The following NDST4 variants were observed in gnomAD, a reference collection of about 807,000 sequenced individuals.
NDST4 encodes the protein N-deacetylase and N-sulfotransferase 4, also known as N-heparan sulfate sulfotransferase 4.
NDST4 carries 63 observed loss-of-function variants against 100.8 expected under a neutral mutation model. The ratio of observed to expected loss-of-function variants is 0.62; its 90% confidence interval spans 0.51 to 0.77. The LOEUF (loss-of-function observed/expected upper bound fraction) is 0.77. NDST4 is among the 30% of genes least tolerant of loss of function. NDST4 has a pLI of 0.00. For synonymous variants in NDST4, 377 were observed against 361.8 expected, an observed-to-expected ratio of 1.04 and a Z score of -0.48; for missense variants, 943 against 1,018.4, an observed-to-expected ratio of 0.93 and a Z score of 1.01.
At chr4:115,058,211 C>T (rs1728744141) in intron 2 of NDST4, among the ~76,000 whole-genome samples, 1 of 152,170 alleles carries the variant, frequency 6.6e-6, no homozygotes, top group Admixed American at 6.6e-5. Context: ...AGCTATCCAA[C>T]CACCTAAGCC....
chr4:115,026,691 G>A (rs1035826995), intron 2 of NDST4, among the ~76,000 whole-genome samples: 1 of 149,050 alleles, frequency 6.7e-6, no homozygotes, highest in Non-Finnish European at 1.5e-5. Context: ...TGGCGGGGGG[G>A]TTGCGGGGGC....
intron 3 of NDST4, among the ~76,000 whole-genome samples, chr4:114,972,878 T>G (rs1456171796): frequency 6.6e-6 from 1 of 152,078 alleles, no homozygotes; most frequent in Non-Finnish European, 1.5e-5. Flanking sequence ...AACAGATGCA[T>G]GACTGATCAT....
intron 1 of NDST4, among the ~76,000 whole-genome samples, chr4:115,104,000 A>G (rs1260474862): frequency 6.6e-6 from 1 of 152,196 alleles, no homozygotes; most frequent in East Asian, 1.9e-4. Flanking sequence ...GATCCTTTAA[A>G]AGAATACTAG....
At chr4:114,856,640 G>A (rs573423090) in intron 7 of NDST4, among the ~76,000 whole-genome samples, 4 of 152,194 alleles carry the variant, frequency 2.6e-5, no homozygotes, top group East Asian at 3.9e-4. Flanking sequence ...TGCTTAGGCC[G>A]ATTCTTCCCA....
chr4:114,843,283 G>A (rs1340937057), intron 10 of NDST4, among the ~76,000 whole-genome samples: 3 of 152,120 alleles, frequency 2.0e-5, no homozygotes, highest in Non-Finnish European at 2.9e-5. Context: ...ATGCAGGCAG[G>A]GTTGCCCCTG....
At chr4:114,857,879 G>A (rs1387866209) in intron 7 of NDST4, among the ~76,000 whole-genome samples, 2 of 152,018 alleles carry the variant, frequency 1.3e-5, no homozygotes, top group Non-Finnish European at 2.9e-5. Context: ...ATGGACCTAT[G>A]ATAGTGTCCA....
chr4:114,884,983 T>C (rs1724448940), intron 6 of NDST4, among the ~76,000 whole-genome samples: 1 of 152,166 alleles, frequency 6.6e-6, no homozygotes, highest in Non-Finnish European at 1.5e-5. Flanking sequence ...TCTGAGAAAC[T>C]AAAATTGTTT....
intron 7 of NDST4, among the ~76,000 whole-genome samples, chr4:114,865,718 A>G (rs1227337025): frequency 1.3e-5 from 2 of 152,138 alleles, no homozygotes; most frequent in African/African-American, 4.8e-5. Context: ...ACTGAACCTC[A>G]ATAAGTGGTT....
At chr4:114,972,539 A>G (rs966300988) in intron 3 of NDST4, among the ~76,000 whole-genome samples, 7 of 152,062 alleles carry the variant, frequency 4.6e-5, no homozygotes, top group South Asian at 2.1e-4. Context: ...TAATATATTA[A>G]GAATATGAAA....
intron 2 of NDST4, among the ~76,000 whole-genome samples, chr4:115,074,508 C>A (rs1483266621): frequency 1.3e-5 from 2 of 151,806 alleles, no homozygotes; most frequent in African/African-American, 2.4e-5. Flanking sequence ...ATAATACATA[C>A]TAAAAAAGTA....
intron 4 of NDST4, among the ~76,000 whole-genome samples, chr4:114,950,116 G>C (rs1343230828): frequency 6.6e-6 from 1 of 151,936 alleles, no homozygotes; most frequent in Non-Finnish European, 1.5e-5. Context: ...TATACAGTTG[G>C]ATTTAGGGTA....
intron 6 of NDST4, among the ~76,000 whole-genome samples, chr4:114,913,903 A>G (rs1054221178): frequency 6.6e-6 from 1 of 152,042 alleles, no homozygotes; most frequent in African/African-American, 2.4e-5. Context: ...GATATGTTAA[A>G]AAGTGTTGGC....
chr4:114,937,122 C>T (rs949457673), intron 5 of NDST4, among the ~76,000 whole-genome samples, 196 bp downstream of exon 5: 3 of 152,164 alleles, frequency 2.0e-5, no homozygotes. Context: ...TTGCCAAAGC[C>T]ACTCCACAGC....
intron 1 of NDST4, among the ~76,000 whole-genome samples, chr4:115,102,930 A>C (rs1207754732): frequency 6.6e-6 from 1 of 151,594 alleles, no homozygotes. Context: ...CTGGTCTGGA[A>C]CTCTTGATCT....
chr4:114,847,977 C>T (rs968589165), intron 9 of NDST4, among the ~76,000 whole-genome samples: 4 of 152,044 alleles, frequency 2.6e-5, no homozygotes, highest in Non-Finnish European at 5.9e-5. Flanking sequence ...TGAAATATAT[C>T]CCATAATGTT....
At chr4:115,006,107 GAAAGAAAA>G (rs1727411403) in intron 2 of NDST4, among the ~76,000 whole-genome samples, 1 of 146,680 alleles carries the variant, frequency 6.8e-6, no homozygotes, top group South Asian at 2.2e-4. Context: ...GAAAGAAAGA[GAAAGAAAA>G]AAAGAAAAAA....
chr4:115,087,178 T>C (rs1363884986), intron 1 of NDST4, among the ~76,000 whole-genome samples: 2 of 152,032 alleles, frequency 1.3e-5, no homozygotes, highest in Non-Finnish European at 2.9e-5. Flanking sequence ...GGGATAAATC[T>C]GTGACTCTGT....
intron 3 of NDST4, among the ~76,000 whole-genome samples, chr4:114,976,871 T>C (rs1272770653): frequency 6.6e-6 from 1 of 151,950 alleles, no homozygotes. Context: ...AGTATTCTCA[T>C]TATCACTATT....
chr4:115,085,823 G>T (rs547738541), intron 1 of NDST4, among the ~76,000 whole-genome samples: 1 of 152,276 alleles, frequency 6.6e-6, no homozygotes, highest in South Asian at 2.1e-4. Flanking sequence ...TCTTTCAAGA[G>T]AGATGCAGTA....
Sources: allele counts gnomAD v4.1 joint callset (sites outside exome capture counted in the v4.1 genomes callset), GRCh38; gene constraint gnomAD v4.1.1; transcripts MANE v1.5; gene names NCBI Gene and HGNC (gene_info 2026-07-23, HGNC 2026-07-21).